Variants in FYN observed in about 807,000 individuals in gnomAD.
FYN encodes FYN proto-oncogene, Src family tyrosine kinase.
FYN carries 10 observed loss-of-function variants against 70.2 expected under a neutral mutation model. The ratio of observed to expected loss-of-function variants is 0.14; its 90% CI spans 0.09 to 0.24. The LOEUF (loss-of-function observed/expected upper bound fraction) is 0.24, where lower values mean the gene tolerates loss of function less well. Ranked by LOEUF, FYN falls within the 10% of genes least tolerant of loss-of-function variation. The pLI is 1.00. For synonymous variants in FYN, 236 were observed against 248.6 expected, an observed-to-expected ratio of 0.95 and a Z score of 0.48; for missense variants, 319 against 673.1, an observed-to-expected ratio of 0.47 and a Z score of 5.82.
intron 2 of FYN, among the ~76,000 whole-genome samples, chr6:111,793,170 C>CT: frequency 6.6e-6 from 1 of 152,256 alleles, no homozygotes; most frequent in African/African-American, 2.4e-5. Flanking sequence ...GCACTAAAAG[C>CT]TTAGAAGTGC....
At chr6:111,768,168 T>C (rs1485730691) in intron 3 of FYN, among the ~76,000 whole-genome samples, 5 of 152,240 alleles carry the variant, frequency 3.3e-5, no homozygotes, top group Admixed American at 6.5e-5. Context: ...TTTTGCTCTA[T>C]AGATATACTT....
chr6:111,781,496 T>A (rs1462960475), intron 2 of FYN, among the ~76,000 whole-genome samples: 2 of 152,208 alleles, frequency 1.3e-5, no homozygotes, highest in Non-Finnish European at 2.9e-5. Flanking sequence ...CCTCAACGGA[T>A]GCACCTTCCA....
intron 1 of FYN, among the ~76,000 whole-genome samples, chr6:111,849,307 T>A (rs1438221457): frequency 1.3e-5 from 2 of 152,132 alleles, no homozygotes; most frequent in African/African-American, 2.4e-5. Flanking sequence ...ATCAGACCAA[T>A]CCTCCAACAT....
chr6:111,788,673 T>C (rs1035563532), intron 2 of FYN, among the ~76,000 whole-genome samples: 1 of 152,236 alleles, frequency 6.6e-6, no homozygotes, highest in African/African-American at 2.4e-5. Context: ...CCTGCCATGC[T>C]ACAATATTCT....
At chr6:111,753,577 G>A (rs1447934425) in intron 3 of FYN, among the ~76,000 whole-genome samples, 1 of 151,888 alleles carries the variant, frequency 6.6e-6, no homozygotes, top group Non-Finnish European at 1.5e-5. Context: ...TGGTAGGCTG[G>A]AGTATTAGGC....
At chr6:111,700,334 T>A in intron 8 of FYN, 66 bp from the exon 9 acceptor site, 1 of 1,554,540 alleles carries the variant, frequency 6.4e-7, no homozygotes, top group East Asian at 2.3e-5. Context: ...ACAACACTCA[T>A]AAGTGTAAAC....
chr6:111,769,139 C>T (rs1803342343), intron 3 of FYN, among the ~76,000 whole-genome samples: 1 of 152,152 alleles, frequency 6.6e-6, no homozygotes, highest in Non-Finnish European at 1.5e-5. Flanking sequence ...GGATACAGCA[C>T]TGAAGGGAAT....
intron 1 of FYN, among the ~76,000 whole-genome samples, chr6:111,860,350 G>T (rs1773929997): frequency 6.6e-6 from 1 of 152,110 alleles, no homozygotes; most frequent in East Asian, 1.9e-4. Context: ...CTCAACCATG[G>T]GCTAGACTGA....
In FYN at chr6:111,660,967, A is replaced by T. The variant is rs927811550; in HGVS notation, c.*772T>A. ...TAGTGCTAACAGAACTTGTAAATTCAGCTTGGGGGGTGGTTCCTGAAAAGA... is the reference window on the plus strand; with the variant it reads ...TAGTGCTAACAGAACTTGTAAATTCTGCTTGGGGGGTGGTTCCTGAAAAGA... On this transcript the variant is annotated 3_prime_UTR_variant, in exon 14 of 14. Coordinates refer to ENST00000354650, the MANE Select transcript of FYN (RefSeq NM_002037.5). 6 of 152,316 alleles carry T rather than the reference A, an allele frequency of 3.9e-5. No individual in the cohort carries two copies. The highest frequency in any genetic ancestry group is 2.0e-4 in the Admixed American group (3 of 15,300). The allele number at this position is 152,316 out of a possible 1,614,324, so 9.4% of individuals were successfully genotyped here. A position where few individuals can be genotyped will look rare whatever the true frequency, so the allele number is the denominator to read the frequency against.
chr6:111,830,104 G>C (rs1197165645), intron 2 of FYN, among the ~76,000 whole-genome samples: 3 of 152,206 alleles, frequency 2.0e-5, no homozygotes. Context: ...AAAGTTGCTA[G>C]GTGAAGAGAA....
At chr6:111,790,479 A>G (rs1771577666) in intron 2 of FYN, among the ~76,000 whole-genome samples, 1 of 152,028 alleles carries the variant, frequency 6.6e-6, no homozygotes, top group African/African-American at 2.4e-5. Flanking sequence ...ACCCCTAACC[A>G]GTATCTGAGT....
chr6:111,837,336 T>G (rs535699174), intron 2 of FYN, among the ~76,000 whole-genome samples: 5 of 152,066 alleles, frequency 3.3e-5, no homozygotes, highest in Admixed American at 2.6e-4. Context: ...CAGTTTTGCT[T>G]TTTTTTTAAA....
At chr6:111,803,582 G>A (rs1273546682) in intron 2 of FYN, among the ~76,000 whole-genome samples, 3 of 152,042 alleles carry the variant, frequency 2.0e-5, no homozygotes, top group Non-Finnish European at 4.4e-5. Context: ...TTAGTATCAT[G>A]GAAGGAAGTA....
At chr6:111,727,331 T>C (rs915078069) in intron 3 of FYN, among the ~76,000 whole-genome samples, 2 of 152,144 alleles carry the variant, frequency 1.3e-5, no homozygotes, top group South Asian at 2.1e-4. Context: ...CATGAAGGAG[T>C]TGGCACTGGT....
chr6:111,740,931 A>G (rs1801932668), intron 3 of FYN: 2 of 152,170 alleles, frequency 1.3e-5, no homozygotes, highest in Non-Finnish European at 2.9e-5. Context: ...CTACATGACG[A>G]AACCCTACTT....
At chr6:111,729,819 G>A (rs1002636627) in intron 3 of FYN, among the ~76,000 whole-genome samples, 2 of 152,190 alleles carry the variant, frequency 1.3e-5, no homozygotes, top group Non-Finnish European at 2.9e-5. Flanking sequence ...TTATGGTGGT[G>A]TGCAGATGAT....
chr6:111,811,383 T>C (rs1329531494), intron 2 of FYN, among the ~76,000 whole-genome samples: 1 of 152,178 alleles, frequency 6.6e-6, no homozygotes, highest in Non-Finnish European at 1.5e-5. Flanking sequence ...AGTATAAGGA[T>C]TGGAGCTGTA....
chr6:111,749,886 A>G lies in FYN; in HGVS notation c.-11-29824T>C, dbSNP rs993256953. 2.0e-5 allele frequency among the ~76,000 whole-genome samples: 3 copies of G among 152,272 alleles called. No individual in the cohort carries two copies. In the East Asian group the frequency reaches 5.8e-4, roughly 29 times the overall value. ...CAGGGATAAATGACCTACATGATGGAAAACTCGCTTATGATGGAGACCTCT... is the reference window on the plus strand; with the variant it reads ...CAGGGATAAATGACCTACATGATGGGAAACTCGCTTATGATGGAGACCTCT... On this transcript the variant is annotated intron_variant, in intron 3 of 13. Coordinates refer to ENST00000354650, the MANE Select transcript of FYN (RefSeq NM_002037.5).
intron 3 of FYN, among the ~76,000 whole-genome samples, chr6:111,774,582 C>T (rs919762318): frequency 6.6e-6 from 1 of 152,008 alleles, no homozygotes; most frequent in South Asian, 2.1e-4. Context: ...CCCCCACACA[C>T]TCCCAAATGC....
Sources: allele counts gnomAD v4.1 joint callset (sites outside exome capture counted in the v4.1 genomes callset), GRCh38; gene constraint gnomAD v4.1.1; transcripts MANE v1.5; gene names NCBI Gene and HGNC (gene_info 2026-07-23, HGNC 2026-07-21).